The following ITSN2 variants were observed in gnomAD, a reference collection of about 807,000 sequenced individuals.
The protein encoded by ITSN2 is intersectin 2.
Under a neutral mutation model 243.7 loss-of-function variants are expected in ITSN2, and 156 were observed. The observed-to-expected ratio is 0.64, with a 90% confidence interval of 0.56 to 0.73. The LOEUF (loss-of-function observed/expected upper bound fraction) is 0.73. ITSN2 is among the 30% of genes least tolerant of loss of function. ITSN2 has a pLI of 0.00. For missense variants in ITSN2, 1,801 were observed against 1,996.1 expected, an observed-to-expected ratio of 0.90 and a Z score of 1.86; for synonymous variants, 703 against 699.9, an observed-to-expected ratio of 1.00 and a Z score of -0.07.
rs763538881 is a variant in ITSN2, at chr2:24,313,443, T to C, written c.188+17A>G. 1.4e-5 allele frequency: 23 copies of C among 1,600,028 alleles called. No individual in the cohort carries two copies. In the East Asian group the frequency reaches 4.5e-4, roughly 31 times the overall value. Reference sequence around the variant, plus strand: ...AAATACTATCAGAAAATTAGGTTCATCTACAAAACACTTTACCATATTTCA... The same window carrying C: ...AAATACTATCAGAAAATTAGGTTCACCTACAAAACACTTTACCATATTTCA... On this transcript the variant is annotated intron_variant, in intron 4 of 39. Transcript: ENST00000355123.
Position 24,284,709 on chromosome 2 carries a change from A to C in ITSN2, c.1944+54T>G. 3 of 1,090,460 alleles carry C rather than the reference A, an allele frequency of 2.8e-6. No individual in the cohort carries two copies. In the South Asian group the frequency reaches 3.8e-5, roughly 14 times the overall value. The allele number at this position is 1,090,460 out of a possible 1,614,324, so 67.5% of individuals were successfully genotyped here. On this transcript the variant is annotated intron_variant, in intron 17 of 39. Transcript: ENST00000355123. ...AGGCAAAGAATAGTCTAGTTTTAAAAAAATAAAACAGCAAAGTAACTCAAA... is the reference window on the plus strand; with the variant it reads ...AGGCAAAGAATAGTCTAGTTTTAAACAAATAAAACAGCAAAGTAACTCAAA...
At chr2:24,230,777 G>A (rs1371011132) in intron 29 of ITSN2, among the ~76,000 whole-genome samples, 1 of 151,924 alleles carries the variant, frequency 6.6e-6, no homozygotes, top group Non-Finnish European at 1.5e-5. Context: ...TCAAAAAAAA[G>A]AAATAAAAAT....
At chr2:24,233,590 C>CA (rs1401533338) in intron 29 of ITSN2, among the ~76,000 whole-genome samples, 1 of 152,132 alleles carries the variant, frequency 6.6e-6, no homozygotes, top group Non-Finnish European at 1.5e-5. Flanking sequence ...ACTTGAGTTC[C>CA]AACTCTACTA....
intron 29 of ITSN2, among the ~76,000 whole-genome samples, chr2:24,234,757 C>T (rs1281677501): frequency 4.6e-5 from 7 of 152,126 alleles, no homozygotes; most frequent in East Asian, 1.9e-4. Flanking sequence ...TTGCATCATA[C>T]GTTGTTGGGA....
At chr2:24,235,823 T>C (rs1672093696) in intron 29 of ITSN2, among the ~76,000 whole-genome samples, 1 of 152,206 alleles carries the variant, frequency 6.6e-6, no homozygotes, top group Non-Finnish European at 1.5e-5. Flanking sequence ...TGTCACTTTA[T>C]GTCCACTGGA....
At chr2:24,301,106 AT>A (rs1558583690) in intron 11 of ITSN2, 47 bp downstream of exon 11, 1 of 996,904 alleles carries the variant, frequency 1.0e-6, no homozygotes, top group South Asian at 1.8e-5. Flanking sequence ...TAAAGGTAGA[AT>A]TTAAAAGAAC....
At chr2:24,317,082 C>T (rs1684017530) in intron 2 of ITSN2, among the ~76,000 whole-genome samples, 1 of 152,110 alleles carries the variant, frequency 6.6e-6, no homozygotes, top group African/African-American at 2.4e-5. Context: ...TTTGGCTTTA[C>T]GTTAAAAAGT....
At chr2:24,290,877 T>C (rs1365492517) in intron 15 of ITSN2, among the ~76,000 whole-genome samples, 2 of 152,082 alleles carry the variant, frequency 1.3e-5, no homozygotes, top group South Asian at 2.1e-4. Flanking sequence ...TCATATCTTA[T>C]GTTTCGATAT....
intron 13 of ITSN2, among the ~76,000 whole-genome samples, chr2:24,296,990 GA>G (rs892537351): frequency 1.1e-4 from 16 of 151,952 alleles, no homozygotes; most frequent in Non-Finnish European, 2.1e-4. Context: ...GTTCTTGAGG[GA>G]AAAACAATCA....
chr2:24,210,831 C>T lies in ITSN2; in HGVS notation c.4206G>A (p.Ser1402=), dbSNP rs764027614. The T allele has an allele frequency of 1.2e-5, 20 of 1,613,952 alleles. No homozygotes were observed. The highest frequency in any genetic ancestry group is 1.7e-5 in the Admixed American group (1 of 59,990). The change falls in exon 34 of 40, where the codon TCG becomes TCA. Residue 1402 remains serine, a synonymous_variant. Transcript: ENST00000355123. ...VNEGVREKEN[S]DRLEWIQAHV... ...GCGCCTGGATCCACTCCAGTCGGTC[C>T]GAGTTTTCCTTCTCCCGAACTCCCT... is the stretch of plus-strand genomic sequence containing the variant.
chr2:24,286,419 A>G, intron 15 of ITSN2, 68 bp from the exon 16 acceptor site: 1 of 1,386,866 alleles, frequency 7.2e-7, no homozygotes, highest in Non-Finnish European at 1.0e-6. Context: ...CATGTCATTT[A>G]CTGTTTGGTC....
chr2:24,318,967 G>C (rs1684245602), intron 2 of ITSN2, among the ~76,000 whole-genome samples: 1 of 152,200 alleles, frequency 6.6e-6, no homozygotes, highest in Admixed American at 6.5e-5. Context: ...ATTGTGAACT[G>C]TGTGTGTGAG....
At chr2:24,301,846 C>A in intron 10 of ITSN2, 119 bp downstream of exon 10, 2 of 1,003,500 alleles carry the variant, frequency 2.0e-6, no homozygotes, top group Non-Finnish European at 1.4e-6. Context: ...AATATGTACC[C>A]TTTTCAAGTA....
Position 24,248,719 on chromosome 2 carries a change from A to G in ITSN2, c.3198T>C (p.Ala1066=). 6.2e-7 allele frequency: 1 copy of G among 1,613,574 alleles called. No individual in the cohort carries two copies. Among genetic ancestry groups the G allele is most frequent in the Non-Finnish European group, 8.5e-7 (1 of 1,179,760 alleles). ...CAAGGCTAAGTTGTTCAGAACCAGA[A>G]GCAACATATGCTGAAGTTACCTGAG... ...EIAQVTSAYV[A]SGSEQLSLAP... The change falls in exon 27 of 40, where the codon GCT becomes GCC. Residue 1066 remains alanine (A), a synonymous_variant. Coordinates refer to ENST00000355123, the MANE Select transcript of ITSN2 (RefSeq NM_006277.3).
intron 1 of ITSN2, among the ~76,000 whole-genome samples, chr2:24,332,636 A>G (rs1049373830): frequency 6.6e-6 from 1 of 152,186 alleles, no homozygotes; most frequent in African/African-American, 2.4e-5. Flanking sequence ...TTTTGTTGGA[A>G]CCAATAAGCT....
intron 36 of ITSN2, among the ~76,000 whole-genome samples, chr2:24,208,725 G>A (rs918569896): frequency 2.6e-5 from 4 of 152,244 alleles, no homozygotes; most frequent in African/African-American, 9.6e-5. Context: ...GGCGCCTGAG[G>A]GGCGAAAGTC....
At chr2:24,315,258 C>T (rs748251371) in intron 2 of ITSN2, 34 bp from the exon 3 acceptor site, 2 of 1,120,692 alleles carry the variant, frequency 1.8e-6, no homozygotes, top group Non-Finnish European at 2.7e-6. Context: ...ATAGTGTATA[C>T]ATGAGAATGC....
Position 24,204,650 on chromosome 2 carries a change from C to A in ITSN2, c.4763-232G>T, listed in dbSNP as rs764915888. The A allele has an allele frequency of 3.2e-6, 2 of 630,594 alleles. No homozygotes were observed. The highest frequency in any genetic ancestry group is 5.9e-6 in the Non-Finnish European group (2 of 339,192). The allele number at this position is 630,594 out of a possible 1,614,324, so 39.1% of individuals were successfully genotyped here. On this transcript the variant is annotated intron_variant, in intron 38 of 39. Transcript: ENST00000355123. This position sits in a 1 kb window ranked among gnomAD's most constrained non-coding sequence, Gnocchi z 5.1. Reference sequence around the variant, plus strand: ...TGGCCGAGAGCTCCACCGCCAGGACCACTCCGCACGGAACAATCCTGGGTG... The same window carrying A: ...TGGCCGAGAGCTCCACCGCCAGGACAACTCCGCACGGAACAATCCTGGGTG...
chr2:24,260,462 GAA>G (rs1164336060), intron 22 of ITSN2, among the ~76,000 whole-genome samples: 4 of 86,638 alleles, frequency 4.6e-5, no homozygotes, highest in African/African-American at 1.7e-4. Flanking sequence ...ATAACTTTAA[GAA>G]AAAAAAAAAA....
Sources: allele counts gnomAD v4.1 joint callset (sites outside exome capture counted in the v4.1 genomes callset), GRCh38; gene constraint gnomAD v4.1.1; non-coding constraint Gnocchi (gnomAD v3.1); transcripts MANE v1.5; gene names NCBI Gene and HGNC (gene_info 2026-07-23, HGNC 2026-07-21).